PDE4D: variants seen among roughly 807,000 people sequenced by gnomAD.
PDE4D encodes the protein phosphodiesterase 4D.
Under a neutral mutation model 87.4 loss-of-function variants are expected in PDE4D, and 24 were observed. The ratio of observed to expected loss-of-function variants is 0.27; its 90% CI spans 0.20 to 0.39. The LOEUF is 0.39. Among genes scored for constraint, PDE4D ranks in the 10% least tolerant of loss-of-function variants. The probability of loss-of-function intolerance (pLI) is 1.00; values close to 1 mark genes in which losing one functional copy is unlikely to be tolerated. For missense variants in PDE4D, 714 were observed against 1,041.0 expected (o/e 0.69, Z 4.32); for synonymous variants, 384 against 383.2 (o/e 1.00, Z -0.02).
chr5:60,468,490 T>C (rs945968590), intron 1 of PDE4D, among the ~76,000 whole-genome samples: 4 of 151,898 alleles, frequency 2.6e-5, no homozygotes, highest in African/African-American at 9.7e-5. Context: ...CTTCTAACTT[T>C]CTCAACAAAC....
At chr5:59,477,502 T>C (rs945527346) in intron 1 of PDE4D, among the ~76,000 whole-genome samples, 5 of 151,998 alleles carry the variant, frequency 3.3e-5, no homozygotes, top group Non-Finnish European at 5.9e-5. Context: ...AACTCTTAGA[T>C]ATTTTAAAAT....
chr5:59,741,231 C>A (rs1758787857), intron 1 of PDE4D, among the ~76,000 whole-genome samples: 1 of 152,142 alleles, frequency 6.6e-6, no homozygotes, highest in Non-Finnish European at 1.5e-5. Flanking sequence ...CTTTTCTGTG[C>A]CATCCTGAAC....
intron 3 of PDE4D, among the ~76,000 whole-genome samples, chr5:59,958,360 A>G (rs1033335130): frequency 5.3e-5 from 8 of 152,130 alleles, no homozygotes; most frequent in African/African-American, 1.9e-4. Flanking sequence ...TGTTTCTTCC[A>G]AAAGGATATA....
rs1778220116 is a variant in PDE4D, at chr5:59,338,888, A to C, written c.456-122920T>G. Among the ~76,000 whole-genome samples, 12 of 152,242 alleles carry C rather than the reference A, an allele frequency of 7.9e-5. No homozygotes were observed. In the South Asian group the frequency reaches 2.5e-3, roughly 31 times the overall value. On this transcript the variant is annotated intron_variant, in intron 1 of 14. Transcript: ENST00000340635. ...GACATTTTTAGCATAATTTAGAGAA[A>C]AAACCTCAGAAAATAAAAAAAGTAA...
chr5:60,251,850 T>C (rs1334953733), intron 1 of PDE4D, among the ~76,000 whole-genome samples: 1 of 151,960 alleles, frequency 6.6e-6, no homozygotes, highest in African/African-American at 2.4e-5. Context: ...TGGGCCTTTA[T>C]ATTCATTCAC....
At chr5:60,288,341 C>T (rs963128056) in intron 1 of PDE4D, among the ~76,000 whole-genome samples, 1 of 152,236 alleles carries the variant, frequency 6.6e-6, no homozygotes, top group Non-Finnish European at 1.5e-5. Flanking sequence ...CAAACCTCTG[C>T]TACATATTTA....
At chr5:60,111,500 T>C (rs1234209105) in intron 2 of PDE4D, among the ~76,000 whole-genome samples, 1 of 152,060 alleles carries the variant, frequency 6.6e-6, no homozygotes, top group Non-Finnish European at 1.5e-5. Flanking sequence ...CTGGGCATTA[T>C]ACAATGTTGA....
chr5:59,315,342 G>A (rs1237937340), intron 1 of PDE4D, among the ~76,000 whole-genome samples: 1 of 152,102 alleles, frequency 6.6e-6, no homozygotes, highest in African/African-American at 2.4e-5. Flanking sequence ...GGACCATTCT[G>A]TTCTGACAAT....
chr5:60,007,292 C>T (rs1354136998), intron 2 of PDE4D, among the ~76,000 whole-genome samples: 4 of 151,928 alleles, frequency 2.6e-5, no homozygotes, highest in Non-Finnish European at 4.4e-5. Flanking sequence ...CATGCCAAAC[C>T]TCAAGGCAAC....
intron 5 of PDE4D, among the ~76,000 whole-genome samples, chr5:59,135,661 T>A (rs761143105): frequency 3.3e-5 from 5 of 152,202 alleles, no homozygotes; most frequent in African/African-American, 1.2e-4. Context: ...TCTATATTTA[T>A]GTATTCATTC....
intron 3 of PDE4D, among the ~76,000 whole-genome samples, chr5:59,982,414 A>G (rs995378356): frequency 6.6e-6 from 1 of 152,178 alleles, no homozygotes; most frequent in African/African-American, 2.4e-5. Flanking sequence ...CTTCATTCCC[A>G]TAACTTCCCA....
chr5:59,225,998 A>C (rs2153514083), intron 1 of PDE4D, among the ~76,000 whole-genome samples: 1 of 152,146 alleles, frequency 6.6e-6, no homozygotes, highest in South Asian at 2.1e-4. Flanking sequence ...ATTAAAAAAA[A>C]AAACCTGTTG....
At chr5:60,177,796 C>A (rs568604265) in intron 2 of PDE4D, among the ~76,000 whole-genome samples, 1 of 152,066 alleles carries the variant, frequency 6.6e-6, no homozygotes, top group Non-Finnish European at 1.5e-5. Flanking sequence ...ATATAGACAC[C>A]GGTGAGGTCA....
chr5:59,873,738 T>C (rs1480581597), intron 1 of PDE4D, among the ~76,000 whole-genome samples: 1 of 152,212 alleles, frequency 6.6e-6, no homozygotes, highest in Non-Finnish European at 1.5e-5. Context: ...CAACAGGCCA[T>C]GGCGTTTTAC....
At chr5:59,491,653 T>G (rs1438530440) in intron 1 of PDE4D, among the ~76,000 whole-genome samples, 1 of 152,220 alleles carries the variant, frequency 6.6e-6, no homozygotes, top group East Asian at 1.9e-4. Context: ...TTCACCATAC[T>G]TTCAATGTCA....
At chr5:59,543,620 A>G (rs1816747929) in intron 1 of PDE4D, among the ~76,000 whole-genome samples, 1 of 152,160 alleles carries the variant, frequency 6.6e-6, no homozygotes, top group Admixed American at 6.5e-5. Context: ...TAACAGACCC[A>G]GCTGCTGGGA....
rs543837101 is a variant in PDE4D, at chr5:60,065,897, G to A, written c.43-77180C>T. 6.6e-5 allele frequency among the ~76,000 whole-genome samples: 10 copies of A among 152,214 alleles called. No individual in the cohort carries two copies. The South Asian group carries it at 1.0e-3, about 16-fold the overall frequency. On this transcript the variant is annotated intron_variant, in intron 2 of 16. Transcript: ENST00000502484. ...GTGAATAGTGCAGCTATAAACATAC[G>A]TGTGCGTGTGTCTTTATAGCAGCAT... is the stretch of plus-strand genomic sequence containing the variant.
intron 1 of PDE4D, chr5:59,314,708 C>T (rs1773354697): frequency 6.6e-6 from 1 of 152,108 alleles, no homozygotes; most frequent in Admixed American, 6.6e-5. Flanking sequence ...AAAGAAAATC[C>T]CTCAGCAGAT....
At chr5:59,007,301 G>T (rs984041158) in intron 6 of PDE4D, among the ~76,000 whole-genome samples, 1 of 152,076 alleles carries the variant, frequency 6.6e-6, no homozygotes, top group African/African-American at 2.4e-5. Context: ...TATTAATCAA[G>T]AAGCAAATCT....
Sources: allele counts gnomAD v4.1 joint callset (sites outside exome capture counted in the v4.1 genomes callset), GRCh38; gene constraint gnomAD v4.1.1; transcripts MANE v1.5; gene names NCBI Gene and HGNC (gene_info 2026-07-23, HGNC 2026-07-21).